The following FSTL4 variants were observed in gnomAD, a reference collection of about 807,000 sequenced individuals.
FSTL4 encodes follistatin like 4.
A neutral mutation model predicts 78.2 loss-of-function variants in FSTL4; 28 were observed. The ratio of observed to expected loss-of-function variants is 0.36; its 90% CI spans 0.27 to 0.49. The LOEUF (loss-of-function observed/expected upper bound fraction) is 0.49, where lower values mean the gene tolerates loss of function less well. Ranked by LOEUF, FSTL4 falls within the 20% of genes least tolerant of loss-of-function variation. The pLI is 0.98. For missense variants in FSTL4, 922 were observed against 1,084.9 expected (o/e 0.85, Z 2.11); for synonymous variants, 422 against 440.5 (o/e 0.96, Z 0.53).
At chr5:133,687,121 G>A in the FSTL4 span, among the ~76,000 whole-genome samples, 1 of 152,174 alleles carries the variant, frequency 6.6e-6, no homozygotes, top group African/African-American at 2.4e-5. Context: ...GGCAAGTGTC[G>A]GGGGAACTGG....
intron 3 of FSTL4, among the ~76,000 whole-genome samples, chr5:133,431,179 CCTT>C (rs530922495): frequency 3.9e-5 from 6 of 152,296 alleles, no homozygotes; most frequent in East Asian, 1.9e-4. Flanking sequence ...CCAGGTGTGG[CCTT>C]CTTATTTACC....
chr5:133,685,136 G>A, the FSTL4 span, among the ~76,000 whole-genome samples: 4 of 152,268 alleles, frequency 2.6e-5, no homozygotes, highest in Middle Eastern at 3.4e-3. Context: ...TTTTCAAAGG[G>A]CATGGGCAGC....
At chr5:133,730,272 A>G in the FSTL4 span, among the ~76,000 whole-genome samples, 1 of 152,188 alleles carries the variant, frequency 6.6e-6, no homozygotes, top group Admixed American at 6.5e-5. Flanking sequence ...TCATCTCTCA[A>G]CTGTGTCCCC....
intron 4 of FSTL4, among the ~76,000 whole-genome samples, chr5:133,398,964 G>T (rs896765098): frequency 6.6e-6 from 1 of 152,200 alleles, no homozygotes; most frequent in Non-Finnish European, 1.5e-5. Flanking sequence ...GCAGAACTGA[G>T]CCCTGATCTG....
At chr5:133,719,082 T>C in the FSTL4 span, among the ~76,000 whole-genome samples, 1 of 152,234 alleles carries the variant, frequency 6.6e-6, no homozygotes, top group South Asian at 2.1e-4. Context: ...GTGAAAGTAA[T>C]CTTCTGTTTT....
the FSTL4 span, among the ~76,000 whole-genome samples, chr5:133,774,200 A>T: frequency 1.3e-5 from 2 of 152,228 alleles, no homozygotes; most frequent in African/African-American, 2.4e-5. Flanking sequence ...CTGTAGTTGC[A>T]GAACAGATAC....
At chr5:133,617,076 G>A (rs1017661106), upstream of FSTL4, among the ~76,000 whole-genome samples, 6 of 152,052 alleles carry the variant, frequency 3.9e-5, no homozygotes, top group Middle Eastern at 3.2e-3. Context: ...CGAGGCAGGC[G>A]GATCATGAGA....
chr5:133,528,999 G>A (rs777173936), intron 3 of FSTL4, among the ~76,000 whole-genome samples: 3 of 152,168 alleles, frequency 2.0e-5, no homozygotes, highest in Admixed American at 6.5e-5. Flanking sequence ...CGTCCCACAG[G>A]CATGGGGGAG....
the FSTL4 span, among the ~76,000 whole-genome samples, chr5:133,780,619 T>C: frequency 6.6e-6 from 1 of 152,244 alleles, no homozygotes; most frequent in African/African-American, 2.4e-5. Flanking sequence ...GCCTGGAGCA[T>C]AGCAGGGCAA....
the FSTL4 span, among the ~76,000 whole-genome samples, chr5:133,639,539 T>C: frequency 6.6e-6 from 1 of 152,184 alleles, no homozygotes; most frequent in East Asian, 1.9e-4. Context: ...CCTCAGAGCT[T>C]GCCTTGCTTC....
rs372556892 is a variant in FSTL4 at position 133,305,053 on chromosome 5, C to G, written c.727+7601G>C. 6.8e-4 allele frequency among the ~76,000 whole-genome samples: 104 copies of G among 152,324 alleles called. 1 individual carries two copies. In the East Asian group the frequency reaches 0.016, roughly 23 times the overall value. On this transcript the variant is annotated intron_variant, in intron 6 of 15. Coordinates refer to ENST00000265342, the MANE Select transcript of FSTL4 (RefSeq NM_015082.2). The stretch of plus-strand genomic sequence containing the variant: ...AGCCAAAAAGGACAGAGTCCAGACC[C>G]CAGAACATCAGGAGGTCTTAGATAA...
chr5:133,727,179 G>T, the FSTL4 span, among the ~76,000 whole-genome samples: 1 of 152,158 alleles, frequency 6.6e-6, no homozygotes, highest in Non-Finnish European at 1.5e-5. Flanking sequence ...GACAGAAAAT[G>T]AAATGGAAAA....
the FSTL4 span, among the ~76,000 whole-genome samples, chr5:133,681,537 G>T: frequency 5.3e-5 from 8 of 152,184 alleles, no homozygotes; most frequent in East Asian, 1.5e-3. Flanking sequence ...AAATCAAAGG[G>T]GAGAATGTCT....
At chr5:133,403,191 A>G (rs759558810) in intron 3 of FSTL4, among the ~76,000 whole-genome samples, 2 of 152,340 alleles carry the variant, frequency 1.3e-5, no homozygotes, top group Non-Finnish European at 2.9e-5. Context: ...TCACTGTTTT[A>G]ATAACCTTCC....
chr5:133,418,439 C>T (rs2126985237), intron 3 of FSTL4, among the ~76,000 whole-genome samples: 1 of 152,112 alleles, frequency 6.6e-6, no homozygotes, highest in African/African-American at 2.4e-5. Context: ...GATGTGGATT[C>T]TTCCTAAATT....
the FSTL4 span, among the ~76,000 whole-genome samples, chr5:133,698,995 T>C: frequency 6.6e-6 from 1 of 152,102 alleles, no homozygotes; most frequent in Non-Finnish European, 1.5e-5. Context: ...AGGATGACAG[T>C]GACAAGCCAA....
At chr5:133,745,829 G>A in the FSTL4 span, among the ~76,000 whole-genome samples, 3 of 152,228 alleles carry the variant, frequency 2.0e-5, no homozygotes, top group Non-Finnish European at 4.4e-5. Context: ...ACAAAGTTTT[G>A]AGTGACAACA....
At chr5:133,299,963 T>C (rs1753496119) in intron 6 of FSTL4, among the ~76,000 whole-genome samples, 1 of 152,204 alleles carries the variant, frequency 6.6e-6, no homozygotes. Flanking sequence ...TATTGCTCCT[T>C]TTCCAAAGCC....
chr5:133,253,481 C>G (rs1020669671), intron 6 of FSTL4, among the ~76,000 whole-genome samples: 1 of 152,208 alleles, frequency 6.6e-6, no homozygotes, highest in Non-Finnish European at 1.5e-5. Context: ...CCTGGAGACC[C>G]CCTGAGTCTT....
Sources: allele counts gnomAD v4.1 joint callset (sites outside exome capture counted in the v4.1 genomes callset), GRCh38; gene constraint gnomAD v4.1.1; transcripts MANE v1.5; gene names NCBI Gene and HGNC (gene_info 2026-07-23, HGNC 2026-07-21).